The following TBL3 variants were observed in gnomAD, a reference collection of about 807,000 sequenced individuals.
TBL3 encodes transducin beta-like protein 3.
A neutral mutation model predicts 102.7 loss-of-function variants in TBL3; 71 were observed. That is an observed-to-expected ratio of 0.69 (90% CI 0.57 to 0.84). The LOEUF (loss-of-function observed/expected upper bound fraction) is 0.84. Ranked by LOEUF, TBL3 falls within the 40% of genes least tolerant of loss-of-function variation. The probability of loss-of-function intolerance (pLI) is 0.00; values close to 1 mark genes in which losing one functional copy is unlikely to be tolerated. For missense variants in TBL3, 1,188 were observed against 1,098.5 expected, an observed-to-expected ratio of 1.08 and a Z score of -1.15; for synonymous variants, 578 against 477.7, an observed-to-expected ratio of 1.21 and a Z score of -2.74.
At chr16:1,976,626 G>A (rs1035400949) in intron 13 of TBL3, among the ~76,000 whole-genome samples, 188 bp from the exon 14 acceptor site, 3 of 152,140 alleles carry the variant, frequency 2.0e-5, no homozygotes, top group Admixed American at 6.5e-5. Flanking sequence ...TGAGCCACCC[G>A]GTGCTGCGGG....
rs1295645905 is a variant in TBL3, at chr16:1,980,947, G to T, written c.*2262G>T. ...GGCCCAGGGTCACTCACCTTGAGCT[G>T]CCTGAATTCGTCCCAACTCCTGCGC... On this transcript the variant is annotated 3_prime_UTR_variant, in exon 22 of 22. Coordinates refer to ENST00000568546, the MANE Select transcript of TBL3 (RefSeq NM_006453.3). 1 of 1,612,574 alleles carries T rather than the reference G, an allele frequency of 6.2e-7. No individual in the cohort carries two copies. Among genetic ancestry groups the T allele is most frequent in the South Asian group, 1.1e-5 (1 of 91,072 alleles).
Position 1,981,370 on chromosome 16 carries a change from C to A in TBL3, c.*2685C>A. On this transcript the variant is annotated 3_prime_UTR_variant, in exon 22 of 22. Coordinates refer to ENST00000568546, the MANE Select transcript of TBL3 (RefSeq NM_006453.3). ...GCTTTCTTGCTGTCCCCCAAGCCCA[C>A]GATCTGGGGGCAGGAGCACAGGGAT... The A allele has an allele frequency of 5.8e-6, 8 of 1,371,604 alleles. No homozygotes were observed. The highest frequency in any genetic ancestry group is 2.5e-5 in the East Asian group (1 of 39,560). 85.0% of individuals were successfully genotyped at this position (1,371,604 alleles called of 1,614,324 possible).
chr16:1,979,637 C>G lies in TBL3; in HGVS notation c.*952C>G. 7.7e-7 allele frequency: 1 copy of G among 1,303,752 alleles called. No individual in the cohort carries two copies. The highest frequency in any genetic ancestry group is 1.1e-6 in the Non-Finnish European group (1 of 933,594). The allele number at this position is 1,303,752 out of a possible 1,614,324, so 80.8% of individuals were successfully genotyped here. A position where few individuals can be genotyped will look rare whatever the true frequency, so the allele number is the denominator to read the frequency against. On this transcript the variant is annotated 3_prime_UTR_variant, in exon 22 of 22. Coordinates refer to ENST00000568546, the MANE Select transcript of TBL3 (RefSeq NM_006453.3). ...CATTCTCCTTGCTTGAGTCTGCTGA[C>G]GGCGGGGCCGCTCTAAGACCGGTTC...
Position 1,977,592 on chromosome 16 carries a change from G to C in TBL3, c.1821G>C (p.Lys607Asn), listed in dbSNP as rs1165423722. 6.4e-7 allele frequency: 1 copy of C among 1,572,838 alleles called. No homozygotes were observed. The highest frequency in any genetic ancestry group is 8.6e-7 in the Non-Finnish European group (1 of 1,158,076). Residue 607 changes from lysine (K) to asparagine (N), a missense_variant, in exon 17 of 22, where the codon AAG becomes AAC. Physicochemically the swap from Lys to Asn is moderately conservative, Grantham distance 94. Coordinates refer to ENST00000568546, the MANE Select transcript of TBL3 (RefSeq NM_006453.3). ...GGACGCTGGATGCCCACGAGGACAA[G>C]GTCTGGGGGCTGCACTGCAGCCGGC... The part of the protein sequence containing the change: ...CVRTLDAHED[K>N]VWGLHCSRLD...
chr16:1,979,245 C>T lies in TBL3; in HGVS notation c.*560C>T. 2 of 1,514,820 alleles carry T rather than the reference C, an allele frequency of 1.3e-6. No individual in the cohort carries two copies. The highest frequency in any genetic ancestry group is 2.5e-5 in the South Asian group (2 of 81,508). 93.8% of individuals were successfully genotyped at this position (1,514,820 alleles called of 1,614,324 possible). On this transcript the variant is annotated 3_prime_UTR_variant, in exon 22 of 22. Transcript: ENST00000568546. ...GGGTTCAGGGAAGCCCCGGGCCTCA[C>T]CCGCCGGGTCGTCTCCTCCACGGAA...
chr16:1,981,429 G>T lies in TBL3; in HGVS notation c.*2744G>T. The T allele has an allele frequency of 2.2e-6, 2 of 907,252 alleles. No homozygotes were observed. Among genetic ancestry groups the T allele is most frequent in the South Asian group, 1.9e-5 (1 of 52,012 alleles). The allele number at this position is 907,252 out of a possible 1,614,324, so 56.2% of individuals were successfully genotyped here. A position where few individuals can be genotyped will look rare whatever the true frequency, so the allele number is the denominator to read the frequency against. ...TTCCAGGCAGAGCTGCTGGGAGGAA[G>T]AAGAAGAATGAGCTTTCCAGCCCTG... On this transcript the variant is annotated 3_prime_UTR_variant, in exon 22 of 22. Coordinates refer to ENST00000568546, the MANE Select transcript of TBL3 (RefSeq NM_006453.3).
chr16:1,978,395 G>C lies in TBL3; in HGVS notation c.2217G>C (p.Leu739Phe). The C allele has an allele frequency of 6.2e-7, 1 of 1,611,632 alleles. No homozygotes were observed. The highest frequency in any genetic ancestry group is 1.1e-5 in the South Asian group (1 of 90,982). The change falls in exon 21 of 22, where the codon TTG (leucine) becomes TTC (phenylalanine). Residue 739 changes from leucine to phenylalanine, a missense_variant. By Grantham distance (22) the Leu-to-Phe change is conservative. Transcript: ENST00000568546. ...CCCAGGCCGTGCTGGGTGTGCTCTTGAGGCGAGAGGCCCCCGAGGAGCTGC... is the reference window on the plus strand; with the variant it reads ...CCCAGGCCGTGCTGGGTGTGCTCTTCAGGCGAGAGGCCCCCGAGGAGCTGC... ...HEAQAVLGVL[L>F]RREAPEELLA...
In TBL3 at chr16:1,979,513, C is replaced by G. The variant is rs1264960922; in HGVS notation, c.*828C>G. 1 of 1,611,542 alleles carries G rather than the reference C, an allele frequency of 6.2e-7. No individual in the cohort carries two copies. Among genetic ancestry groups the G allele is most frequent in the East Asian group, 2.2e-5 (1 of 44,840 alleles). ...GACAGCTCATCTGCGCGGCTGCTCT[C>G]GTAGGCGCGGGAAGCACAGAACTGG... On this transcript the variant is annotated 3_prime_UTR_variant, in exon 22 of 22. Coordinates refer to ENST00000568546, the MANE Select transcript of TBL3 (RefSeq NM_006453.3).
At position 1,978,159 on chromosome 16, in the gene TBL3, G is replaced by A. The variant is rs555993838; in HGVS notation, c.2073G>A (p.Arg691=). The A allele has an allele frequency of 1.9e-6, 3 of 1,612,758 alleles. No individual in the cohort carries two copies. Among genetic ancestry groups the A allele is most frequent in the South Asian group, 2.2e-5 (2 of 91,082 alleles). Residue 691 remains arginine (R), a synonymous_variant, in exon 20 of 22, where the codon AGG becomes AGA. Coordinates refer to ENST00000568546, the MANE Select transcript of TBL3 (RefSeq NM_006453.3). ...TCCCTTCTCCCACAGCCATCCGGAG[G>A]GACCCTGAGGCCTGCGAGAAGCTGG... ...TVLTVIQAIR[R]DPEACEKLEA... is the part of the protein sequence containing the mutation.
Position 1,981,438 on chromosome 16 carries a change from T to G in TBL3, c.*2753T>G. 1.2e-6 allele frequency: 1 copy of G among 860,922 alleles called. No homozygotes were observed. The allele number at this position is 860,922 out of a possible 1,614,324, so 53.3% of individuals were successfully genotyped here. On this transcript the variant is annotated 3_prime_UTR_variant, in exon 22 of 22. Coordinates refer to ENST00000568546, the MANE Select transcript of TBL3 (RefSeq NM_006453.3). ...GAGCTGCTGGGAGGAAGAAGAAGAA[T>G]GAGCTTTCCAGCCCTGGAGGCGTGC... is the stretch of plus-strand genomic sequence containing the variant.
Position 1,974,124 on chromosome 16 carries a change from G to A in TBL3, c.93+17G>A. On this transcript the variant is annotated intron_variant, in intron 2 of 21. Transcript: ENST00000568546. ...AAAGCACAGGTACCAGCCTGGGGAA[G>A]GGCAGTGGGGCGGGCAGCCAGAGGC... 1.3e-6 allele frequency: 2 copies of A among 1,579,538 alleles called. No individual in the cohort carries two copies. Among genetic ancestry groups the A allele is most frequent in the Admixed American group, 1.8e-5 (1 of 56,438 alleles).
intron 16 of TBL3, 27 bp downstream of exon 16, chr16:1,977,453 TGGAGTGG>T: frequency 8.4e-7 from 1 of 1,185,856 alleles, no homozygotes; most frequent in South Asian, 1.2e-5. Context: ...GGGGCAGCGA[TGGAGTGG>T]GGGGTGGCGG....
In TBL3 at chr16:1,978,645, C is replaced by A. The variant is rs2083427584; in HGVS notation, c.2387C>A (p.Ala796Asp). Residue 796 changes from alanine to aspartate, a missense_variant, in exon 22 of 22, where the codon GCC (alanine) becomes GAC (aspartate). Physicochemically the swap from Ala to Asp is moderately radical, Grantham distance 126. Transcript: ENST00000568546. ...HNMKLPVPAA[A>D]PTPWETHKGA... is the part of the protein sequence containing the mutation. Reference sequence around the variant, plus strand: ...ATGAAGCTCCCTGTGCCGGCCGCCGCCCCCACCCCCTGGGAAACCCATAAA... The same window carrying A: ...ATGAAGCTCCCTGTGCCGGCCGCCGACCCCACCCCCTGGGAAACCCATAAA... 1 of 1,612,390 alleles carries A rather than the reference C, an allele frequency of 6.2e-7. No individual in the cohort carries two copies. Among genetic ancestry groups the A allele is most frequent in the South Asian group, 1.1e-5 (1 of 91,080 alleles).
rs756570810 is a variant in TBL3, at chr16:1,977,946, C to T, written c.1959-12C>T. ...CAGCGGCCCTCAGTGGCCTCTCCTC[C>T]CCTCCCCACAGGCAGCAAGAGCTGG... On this transcript the variant is annotated splice_polypyrimidine_tract_variant and intron_variant, in intron 18 of 21. Coordinates refer to ENST00000568546, the MANE Select transcript of TBL3 (RefSeq NM_006453.3). 1.9e-6 allele frequency: 3 copies of T among 1,591,650 alleles called. No homozygotes were observed. The highest frequency in any genetic ancestry group is 1.3e-5 in the African/African-American group (1 of 74,546).
At chr16:1,972,332 C>T (rs972126293) in intron 1 of TBL3, 127 bp downstream of exon 1, 56 of 1,073,634 alleles carry the variant, frequency 5.2e-5, no homozygotes, top group Middle Eastern at 6.8e-4. Flanking sequence ...CGCCGGCCCG[C>T]GGGGTCGCGG....
rs1368553387 is a variant in TBL3 at position 1,981,220 on chromosome 16, G to T, written c.*2535G>T. The T allele has an allele frequency of 1.9e-6, 3 of 1,612,212 alleles. No individual in the cohort carries two copies. Among genetic ancestry groups the T allele is most frequent in the Non-Finnish European group, 2.5e-6 (3 of 1,179,720 alleles). On this transcript the variant is annotated 3_prime_UTR_variant, in exon 22 of 22. Coordinates refer to ENST00000568546, the MANE Select transcript of TBL3 (RefSeq NM_006453.3). ...GCTGCAGATTCCTGAAATGGGCGAG[G>T]ACCCTTCTGCCTCCCCGTGCTTGAG...
In TBL3 at chr16:1,976,816, TGAA is replaced by T. The variant is rs766669579; in HGVS notation, c.1297_1299del (p.Lys433del). 5 of 1,613,408 alleles carry T rather than the reference TGAA, an allele frequency of 3.1e-6. No individual in the cohort carries two copies. Among genetic ancestry groups the T allele is most frequent in the Non-Finnish European group, 4.2e-6 (5 of 1,179,968 alleles). ...CCTCCTCTCCTGTTGGGTCACAGGC[TGAA>T]GGAGTCCTTCCTGGTGACAGGCAGC... On this transcript the variant is annotated inframe_deletion, in exon 14 of 22. Coordinates refer to ENST00000568546, the MANE Select transcript of TBL3 (RefSeq NM_006453.3).
intron 1 of TBL3, among the ~76,000 whole-genome samples, chr16:1,972,751 C>T (rs1304426200): frequency 6.6e-6 from 1 of 152,154 alleles, no homozygotes; most frequent in Non-Finnish European, 1.5e-5. Context: ...TTTCCACTGG[C>T]GGCTGTGGGG....
At position 1,979,891 on chromosome 16, in the gene TBL3, A is replaced by G. The variant is rs769402388; in HGVS notation, c.*1206A>G. ...GGCGGTCTGCCGGTCTTCGTTCTCCACCAGCCACCAGCCTGTGCGCAAGAA... is the reference window on the plus strand; with the variant it reads ...GGCGGTCTGCCGGTCTTCGTTCTCCGCCAGCCACCAGCCTGTGCGCAAGAA... On this transcript the variant is annotated 3_prime_UTR_variant, in exon 22 of 22. Coordinates refer to ENST00000568546, the MANE Select transcript of TBL3 (RefSeq NM_006453.3). 4.4e-6 allele frequency: 7 copies of G among 1,579,818 alleles called. No individual in the cohort carries two copies. The highest frequency in any genetic ancestry group is 6.0e-6 in the Non-Finnish European group (7 of 1,164,176).
Sources: allele counts gnomAD v4.1 joint callset (sites outside exome capture counted in the v4.1 genomes callset), GRCh38; gene constraint gnomAD v4.1.1; transcripts MANE v1.5; gene names NCBI Gene and HGNC (gene_info 2026-07-23, HGNC 2026-07-21).